LURAP1L: variants seen among roughly 807,000 people sequenced by gnomAD.
LURAP1L encodes leucine rich adaptor protein 1-like.
Under a neutral mutation model 13.8 loss-of-function variants are expected in LURAP1L, and 12 were observed. The ratio of observed to expected loss-of-function variants is 0.87; its 90% CI spans 0.56 to 1.41. The LOEUF (loss-of-function observed/expected upper bound fraction) is 1.41, where lower values mean the gene tolerates loss of function less well. Among genes scored for constraint, LURAP1L ranks in the 40% most tolerant of loss-of-function variants. LURAP1L has a pLI of 0.00. For synonymous variants in LURAP1L, 139 were observed against 119.2 expected, an observed-to-expected ratio of 1.17 and a Z score of -1.08; for missense variants, 375 against 292.9, an observed-to-expected ratio of 1.28 and a Z score of -2.04.
At position 12,815,526 on chromosome 9, in the gene LURAP1L, T is replaced by C. The variant is rs189467598; in HGVS notation, c.313-5860T>C. On this transcript the variant is annotated intron_variant, in intron 1 of 1. Coordinates refer to ENST00000319264, the MANE Select transcript of LURAP1L (RefSeq NM_203403.2). ...TTTCTTCCTTCAATGTATGTGACTA[T>C]GGACTTGCAAAGAAGTCCTTCTTCC... Among the ~76,000 whole-genome samples the C allele has an allele frequency of 1.7e-4, 26 of 152,310 alleles. No homozygotes were observed. The East Asian group carries it at 5.0e-3, about 29-fold the overall frequency.
intron 1 of LURAP1L, chr9:12,777,294 T>C: frequency 1.6e-5 from 16 of 985,314 alleles, no homozygotes; most frequent in African/African-American, 1.7e-5. Flanking sequence ...GATGAAAAGA[T>C]AAAATGGAAA....
At chr9:12,808,413 T>G (rs1043605860) in intron 1 of LURAP1L, among the ~76,000 whole-genome samples, 6 of 152,132 alleles carry the variant, frequency 3.9e-5, no homozygotes, top group Non-Finnish European at 5.9e-5. Flanking sequence ...TACATTCACA[T>G]TGTTGTACCA....
intron 1 of LURAP1L, among the ~76,000 whole-genome samples, chr9:12,793,303 G>A (rs1819469018): frequency 2.0e-5 from 3 of 151,944 alleles, no homozygotes; most frequent in Non-Finnish European, 4.4e-5. Flanking sequence ...ATACCAATAT[G>A]TTTAATATAA....
At chr9:12,803,229 A>T (rs924151836) in intron 1 of LURAP1L, among the ~76,000 whole-genome samples, 2 of 152,186 alleles carry the variant, frequency 1.3e-5, no homozygotes, top group African/African-American at 4.8e-5. Context: ...TGTTTTTCCT[A>T]TATCTTGAAA....
intron 1 of LURAP1L, among the ~76,000 whole-genome samples, chr9:12,819,392 AATGTTTATTCATC>A (rs1189583044): frequency 2.0e-5 from 3 of 152,168 alleles, no homozygotes; most frequent in Admixed American, 6.5e-5. Context: ...CATCTCTCCT[AATGTTTATTCATC>A]ATGTTCCCTC....
At chr9:12,799,677 G>C (rs1055164761) in intron 1 of LURAP1L, among the ~76,000 whole-genome samples, 1 of 151,994 alleles carries the variant, frequency 6.6e-6, no homozygotes, top group Non-Finnish European at 1.5e-5. Context: ...TCAGGAGATC[G>C]AGACCACTGT....
intron 1 of LURAP1L, chr9:12,814,219 A>G (rs1819775112): frequency 6.6e-6 from 1 of 152,160 alleles, no homozygotes; most frequent in African/African-American, 2.4e-5. Context: ...GAGCACATTA[A>G]CATGCCCTGG....
chr9:12,802,460 C>G (rs1819600134), intron 1 of LURAP1L, among the ~76,000 whole-genome samples: 1 of 152,148 alleles, frequency 6.6e-6, no homozygotes, highest in Non-Finnish European at 1.5e-5. Context: ...TCCTTCTGCT[C>G]TGGCCACGTG....
intron 1 of LURAP1L, among the ~76,000 whole-genome samples, chr9:12,802,268 C>T (rs765565413): frequency 2.0e-5 from 3 of 152,022 alleles, no homozygotes; most frequent in Non-Finnish European, 4.4e-5. Context: ...GATCTGTGTC[C>T]CCACCCAAGT....
Position 12,788,185 on chromosome 9 carries a change from AAG to A in LURAP1L, c.312+12160_312+12161del, listed in dbSNP as rs1819387591. Among the ~76,000 whole-genome samples, 4 of 148,022 alleles carry A rather than the reference AAG, an allele frequency of 2.7e-5. No individual in the cohort carries two copies. The South Asian group carries it at 6.6e-4, about 24-fold the overall frequency. On this transcript the variant is annotated intron_variant, in intron 1 of 1. Coordinates refer to ENST00000319264, the MANE Select transcript of LURAP1L (RefSeq NM_203403.2). ...AAAGAAAGAAAGAAAGAAAGAAAGA[AAG>A]AAAGAAAAGAAAAGAAAAGAAAAGC... is the stretch of plus-strand genomic sequence containing the variant.
chr9:12,800,481 C>T (rs1044506727), intron 1 of LURAP1L, among the ~76,000 whole-genome samples: 3 of 151,602 alleles, frequency 2.0e-5, no homozygotes, highest in Non-Finnish European at 4.4e-5. Flanking sequence ...CCATTTACTA[C>T]ACTGTCTTCA....
At chr9:12,799,308 G>A (rs1168328262) in intron 1 of LURAP1L, among the ~76,000 whole-genome samples, 1 of 151,996 alleles carries the variant, frequency 6.6e-6, no homozygotes, top group African/African-American at 2.4e-5. Context: ...TTTCACTGTG[G>A]CTTGGAAATC....
intron 1 of LURAP1L, among the ~76,000 whole-genome samples, chr9:12,796,957 C>T (rs1207367748): frequency 6.6e-6 from 1 of 151,776 alleles, no homozygotes; most frequent in African/African-American, 2.4e-5. Flanking sequence ...ATTTAAAGTA[C>T]CTGTCATTGT....
intron 1 of LURAP1L, among the ~76,000 whole-genome samples, chr9:12,819,626 A>G (rs1181627347): frequency 1.3e-5 from 2 of 152,206 alleles, no homozygotes; most frequent in East Asian, 1.9e-4. Context: ...CTTTTGGGTT[A>G]GTAACCCAAC....
At chr9:12,821,253 T>G (rs191273874) in intron 1 of LURAP1L, 133 bp from the exon 2 acceptor site, 1 of 1,085,958 alleles carries the variant, frequency 9.2e-7, no homozygotes, top group Non-Finnish European at 1.3e-6. Context: ...AAAAAGTTCC[T>G]GACAACCAGT....
In LURAP1L at chr9:12,821,830, T is replaced by C. The variant is rs117918593; in HGVS notation, c.*70T>C. 0.029 allele frequency: 43,806 copies of C among 1,506,308 alleles called. 778 individuals carry two copies. Among genetic ancestry groups the C allele is most frequent in the Non-Finnish European group, 0.032 (36,441 of 1,128,734 alleles). The allele number at this position is 1,506,308 out of a possible 1,614,324, so 93.3% of individuals were successfully genotyped here. On this transcript the variant is annotated 3_prime_UTR_variant, in exon 2 of 2. Coordinates refer to ENST00000319264, the MANE Select transcript of LURAP1L (RefSeq NM_203403.2). ...ATCCTTCTTCTCCGCTGCTATATTTTTGGTGTGATTTTTATTTTAATAAGA... is the reference window on the plus strand; with the variant it reads ...ATCCTTCTTCTCCGCTGCTATATTTCTGGTGTGATTTTTATTTTAATAAGA...
rs1819680493 is a variant in LURAP1L at position 12,807,802 on chromosome 9, T to A, written c.313-13584T>A. ...TCTTTGCTTTTTTGTCTTCCACTTCTCTGGTTTTAATTAGGCAATTTATAT... is the reference window on the plus strand; with the variant it reads ...TCTTTGCTTTTTTGTCTTCCACTTCACTGGTTTTAATTAGGCAATTTATAT... On this transcript the variant is annotated intron_variant, in intron 1 of 1. Transcript: ENST00000319264. Among the ~76,000 whole-genome samples, 4 of 152,282 alleles carry A rather than the reference T, an allele frequency of 2.6e-5. No homozygotes were observed. The South Asian group carries it at 8.3e-4, about 32-fold the overall frequency.
chr9:12,821,263 T>A (rs1206415967), intron 1 of LURAP1L, 123 bp from the exon 2 acceptor site: 1 of 1,145,872 alleles, frequency 8.7e-7, no homozygotes, highest in African/African-American at 1.5e-5. Context: ...TGACAACCAG[T>A]CCACTTATAT....
chr9:12,806,167 AT>A (rs1819653792), intron 1 of LURAP1L, among the ~76,000 whole-genome samples: 1 of 152,138 alleles, frequency 6.6e-6, no homozygotes, highest in African/African-American at 2.4e-5. Context: ...TCTTACACAA[AT>A]ATAGAGGGAA....
Sources: allele counts gnomAD v4.1 joint callset (sites outside exome capture counted in the v4.1 genomes callset), GRCh38; gene constraint gnomAD v4.1.1; transcripts MANE v1.5; gene names NCBI Gene and HGNC (gene_info 2026-07-23, HGNC 2026-07-21).